The following SLC23A2 variants were observed in gnomAD, a reference collection of about 807,000 sequenced individuals.
SLC23A2 encodes the protein solute carrier family 23 member 2.
SLC23A2 carries 36 observed loss-of-function variants against 73.3 expected under a neutral mutation model. That is an observed-to-expected ratio of 0.49 (90% CI 0.38 to 0.65). The LOEUF is 0.65. Ranked by LOEUF, SLC23A2 falls within the 30% of genes least tolerant of loss-of-function variation. SLC23A2 has a pLI of 0.00. For missense variants in SLC23A2, 507 were observed against 841.6 expected (o/e 0.60, Z 4.92); for synonymous variants, 343 against 327.3 (o/e 1.05, Z -0.52).
intron 4 of SLC23A2, among the ~76,000 whole-genome samples, chr20:4,911,051 A>C (rs373367769): frequency 1.3e-5 from 2 of 152,220 alleles, no homozygotes; most frequent in South Asian, 4.1e-4. Flanking sequence ...AGGAAGTCTG[A>C]AAACATGACA....
intron 6 of SLC23A2, among the ~76,000 whole-genome samples, chr20:4,897,929 T>G (rs1178831601): frequency 6.6e-6 from 1 of 152,218 alleles, no homozygotes; most frequent in Non-Finnish European, 1.5e-5. Context: ...AATCCACGGA[T>G]AAGTCAGCGG....
chr20:4,896,816 AGCCATTGAAT>A (rs1189229742), intron 6 of SLC23A2, among the ~76,000 whole-genome samples: 1 of 152,210 alleles, frequency 6.6e-6, no homozygotes, highest in African/African-American at 2.4e-5. Context: ...CTGCTAACAA[AGCCATTGAAT>A]GCTCCCTGTG....
Position 4,859,281 on chromosome 20 carries a change from C to T in SLC23A2, c.1720+8G>A, listed in dbSNP as rs748989458. 14 of 1,517,432 alleles carry T rather than the reference C, an allele frequency of 9.2e-6. No individual in the cohort carries two copies. In the Admixed American group the frequency reaches 2.2e-4, roughly 24 times the overall value. 94.0% of individuals were successfully genotyped at this position (1,517,432 alleles called of 1,614,324 possible). On this transcript the variant is annotated splice_region_variant and intron_variant, in intron 16 of 16. Coordinates refer to ENST00000338244, the MANE Select transcript of SLC23A2 (RefSeq NM_005116.6). Reference sequence around the variant, plus strand: ...AAAAAAAAAGTGTGTTTGATATATACCACGTACCTGGGATGGTGTTATCCA... The same window carrying T: ...AAAAAAAAAGTGTGTTTGATATATATCACGTACCTGGGATGGTGTTATCCA...
At chr20:4,952,504 T>C (rs2087218740) in intron 2 of SLC23A2, among the ~76,000 whole-genome samples, 1 of 152,046 alleles carries the variant, frequency 6.6e-6, no homozygotes, top group South Asian at 2.1e-4. Flanking sequence ...GTTTTAGATG[T>C]GCATGAGCTC....
chr20:4,914,253 G>C (rs1932252171), intron 3 of SLC23A2, among the ~76,000 whole-genome samples: 1 of 151,840 alleles, frequency 6.6e-6, no homozygotes, highest in Non-Finnish European at 1.5e-5. Flanking sequence ...ATTCATCCCT[G>C]AGAGGCCTAA....
intron 2 of SLC23A2, among the ~76,000 whole-genome samples, chr20:4,952,440 A>T (rs538462080): frequency 4.6e-5 from 7 of 152,346 alleles, no homozygotes; most frequent in African/African-American, 1.7e-4. Flanking sequence ...GGTCTTAACA[A>T]GGAATTTTAT....
rs548597512 is a variant in SLC23A2 at position 4,874,738 on chromosome 20, GTC to G, written c.825-44_825-43del. On this transcript the variant is annotated intron_variant, in intron 9 of 16. Transcript: ENST00000338244. Reference sequence around the variant, plus strand: ...AACAAACTAGGTCAAAAGCTGTTATGTCTCTGTTATAAAATAACACTCGAAGC... The same window carrying G: ...AACAAACTAGGTCAAAAGCTGTTATGTCTGTTATAAAATAACACTCGAAGC... 2,420 of 1,521,918 alleles carry G rather than the reference GTC, an allele frequency of 1.6e-3. 25 individuals carry two copies. The Middle Eastern group carries it at 0.02, about 13-fold the overall frequency. 94.3% of individuals were successfully genotyped at this position (1,521,918 alleles called of 1,614,324 possible).
chr20:4,870,588 A>G (rs1386692463), intron 11 of SLC23A2, among the ~76,000 whole-genome samples: 1 of 150,638 alleles, frequency 6.6e-6, no homozygotes, highest in Non-Finnish European at 1.5e-5. Context: ...AAAAAAAAAA[A>G]GAAGAAAAAG....
At chr20:4,888,532 G>A (rs987724633) in intron 6 of SLC23A2, among the ~76,000 whole-genome samples, 3 of 152,034 alleles carry the variant, frequency 2.0e-5, no homozygotes, top group East Asian at 1.9e-4. Context: ...ATCCCATGTC[G>A]GGCTCCAGCC....
intron 1 of SLC23A2, among the ~76,000 whole-genome samples, chr20:4,973,990 T>C (rs1337389266): frequency 6.6e-6 from 1 of 152,234 alleles, no homozygotes; most frequent in Non-Finnish European, 1.5e-5. Flanking sequence ...TGTATCTTAC[T>C]ATGTTATTTA....
intron 5 of SLC23A2, among the ~76,000 whole-genome samples, chr20:4,901,597 C>T (rs1439534843): frequency 6.6e-6 from 1 of 152,188 alleles, no homozygotes; most frequent in Non-Finnish European, 1.5e-5. Flanking sequence ...TCAGCTATGT[C>T]ACCACCCACC....
chr20:4,957,050 A>G (rs1246032829), intron 2 of SLC23A2, among the ~76,000 whole-genome samples: 1 of 151,714 alleles, frequency 6.6e-6, no homozygotes, highest in Non-Finnish European at 1.5e-5. Flanking sequence ...CAGGTGATCC[A>G]CCCACCTTGG....
chr20:5,006,137 G>T (rs112247661), upstream of SLC23A2, among the ~76,000 whole-genome samples: 1 of 151,824 alleles, frequency 6.6e-6, no homozygotes, highest in Admixed American at 6.6e-5. Flanking sequence ...TCACTCTGTC[G>T]CCCAGGCTGG....
At chr20:4,953,855 C>T (rs1432788186) in intron 2 of SLC23A2, among the ~76,000 whole-genome samples, 2 of 152,094 alleles carry the variant, frequency 1.3e-5, no homozygotes, top group Non-Finnish European at 2.9e-5. Flanking sequence ...TGCCACTGCA[C>T]ACCAGCCTCA....
intron 1 of SLC23A2, among the ~76,000 whole-genome samples, chr20:4,987,870 CTG>C (rs978367679): frequency 2.0e-5 from 3 of 151,464 alleles, no homozygotes; most frequent in Non-Finnish European, 4.4e-5. Flanking sequence ...ATGTATGAGA[CTG>C]TAATCTGTAA....
chr20:4,901,305 A>C lies in SLC23A2; in HGVS notation c.324+1137T>G, dbSNP rs566324125. On this transcript the variant is annotated intron_variant, in intron 5 of 16. Coordinates refer to ENST00000338244, the MANE Select transcript of SLC23A2 (RefSeq NM_005116.6). ...ACCCAGCTGTTGGCAGCCCCACCCC[A>C]GGGTGAATCAACCTCTCTGGACAAT... Among the ~76,000 whole-genome samples, 14 of 152,240 alleles carry C rather than the reference A, an allele frequency of 9.2e-5. No individual in the cohort carries two copies. The South Asian group carries it at 1.9e-3, about 20-fold the overall frequency.
At chr20:4,924,764 T>C (rs1272351316) in intron 3 of SLC23A2, among the ~76,000 whole-genome samples, 1 of 152,238 alleles carries the variant, frequency 6.6e-6, no homozygotes, top group African/African-American at 2.4e-5. Flanking sequence ...TGGTGCAGCC[T>C]TTCCTGGCCG....
intron 1 of SLC23A2, among the ~76,000 whole-genome samples, chr20:4,974,988 T>G (rs2122237658): frequency 6.6e-6 from 1 of 152,314 alleles, no homozygotes; most frequent in South Asian, 2.1e-4. Flanking sequence ...GGTTTCATCA[T>G]GTTGACCAGG....
At chr20:4,905,745 A>G (rs987022718) in intron 4 of SLC23A2, among the ~76,000 whole-genome samples, 2 of 152,180 alleles carry the variant, frequency 1.3e-5, no homozygotes, top group South Asian at 2.1e-4. Flanking sequence ...CAGTCAGCAC[A>G]TATTTTTTAT....
Sources: gnomAD v4.1 joint callset for allele counts (sites outside exome capture counted in the v4.1 genomes callset) on GRCh38, gnomAD v4.1.1 for gene constraint, MANE v1.5 for transcripts, NCBI Gene and HGNC (gene_info 2026-07-23, HGNC 2026-07-21) for gene names.